The following MEGF10 variants were observed in gnomAD, a reference collection of about 807,000 sequenced individuals.
The protein encoded by MEGF10 is multiple epidermal growth factor-like domains protein 10.
A neutral mutation model predicts 147.5 loss-of-function variants in MEGF10; 86 were observed. That is an observed-to-expected ratio of 0.58 (90% CI 0.49 to 0.70). The LOEUF is 0.70. Among genes scored for constraint, MEGF10 ranks in the 30% least tolerant of loss-of-function variants. MEGF10 has a pLI of 0.00. For missense variants in MEGF10, 1,329 were observed against 1,487.3 expected, an observed-to-expected ratio of 0.89 and a Z score of 1.75; for synonymous variants, 478 against 525.5, an observed-to-expected ratio of 0.91 and a Z score of 1.24.
At chr5:127,304,291 C>T (rs1230107088) in intron 1 of MEGF10, among the ~76,000 whole-genome samples, 2 of 152,134 alleles carry the variant, frequency 1.3e-5, no homozygotes, top group Non-Finnish European at 2.9e-5. Flanking sequence ...AGCATCCTGG[C>T]CTGAGAGAGC....
chr5:127,271,814 A>C, the MEGF10 span, among the ~76,000 whole-genome samples: 10 of 152,214 alleles, frequency 6.6e-5, no homozygotes, highest in African/African-American at 2.4e-4. Context: ...ACTACGAATC[A>C]ATTAAATCTC....
chr5:127,234,715 A>G, the MEGF10 span, among the ~76,000 whole-genome samples: 1 of 152,176 alleles, frequency 6.6e-6, no homozygotes, highest in African/African-American at 2.4e-5. Flanking sequence ...AAAGCTCCCT[A>G]TAATGGCCAG....
the MEGF10 span, among the ~76,000 whole-genome samples, chr5:127,247,577 G>C: frequency 6.6e-6 from 1 of 151,940 alleles, no homozygotes; most frequent in African/African-American, 2.4e-5. Flanking sequence ...GGCCATAATG[G>C]AGTAACTGCT....
intron 1 of MEGF10, among the ~76,000 whole-genome samples, chr5:127,306,032 C>A (rs1172694170): frequency 6.6e-6 from 1 of 152,202 alleles, no homozygotes; most frequent in Non-Finnish European, 1.5e-5. Flanking sequence ...TCAGGTGTGG[C>A]AGGCATTAAC....
Position 127,396,760 on chromosome 5 carries a change from C to T in MEGF10, c.641C>T (p.Pro214Leu), listed in dbSNP as rs778240852. ...DHVTGECRCPPGYTGAFCEDL... is the reference protein window; with the variant it reads ...DHVTGECRCPLGYTGAFCEDL... ...GTCACGGGGGAATGCCGCTGCCCACCAGGATACACCGGAGCCTTGTAAGTC... is the reference window on the plus strand; with the variant it reads ...GTCACGGGGGAATGCCGCTGCCCACTAGGATACACCGGAGCCTTGTAAGTC... The change falls in exon 6 of 25, where the codon CCA becomes CTA. Residue 214 changes from proline (P) to leucine (L), a missense_variant. Physicochemically the swap from Pro to Leu is moderately conservative, Grantham distance 98. Transcript: ENST00000503335. 6.2e-7 allele frequency: 1 copy of T among 1,613,820 alleles called. No individual in the cohort carries two copies.
At chr5:127,436,838 T>C (rs766442724) in intron 16 of MEGF10, among the ~76,000 whole-genome samples, 9 of 152,340 alleles carry the variant, frequency 5.9e-5, no homozygotes, top group Admixed American at 3.3e-4. Context: ...ACCATCTTCA[T>C]ATTTCTTCTT....
chr5:127,280,712 A>T, the MEGF10 span, among the ~76,000 whole-genome samples: 4 of 152,146 alleles, frequency 2.6e-5, no homozygotes, highest in African/African-American at 4.8e-5. Flanking sequence ...GATTGCTGAC[A>T]GTGTTCTGTA....
chr5:127,375,523 GT>G (rs1561603599), intron 5 of MEGF10, among the ~76,000 whole-genome samples: 1 of 152,188 alleles, frequency 6.6e-6, no homozygotes, highest in Non-Finnish European at 1.5e-5. Context: ...TTAAATTATT[GT>G]TTTTAAAAAG....
intron 16 of MEGF10, among the ~76,000 whole-genome samples, chr5:127,437,135 G>A (rs1285709238): frequency 6.6e-6 from 1 of 152,176 alleles, no homozygotes; most frequent in Non-Finnish European, 1.5e-5. Flanking sequence ...ATCATCTAAG[G>A]AATAGGTTGT....
At chr5:127,454,329 G>C (rs1766272061) in intron 22 of MEGF10, among the ~76,000 whole-genome samples, 1 of 152,164 alleles carries the variant, frequency 6.6e-6, no homozygotes, top group South Asian at 2.1e-4. Flanking sequence ...TTTCTATCCT[G>C]TTTTGACTAG....
intron 6 of MEGF10, 115 bp from the exon 7 acceptor site, chr5:127,398,561 T>A: frequency 8.2e-7 from 1 of 1,213,084 alleles, no homozygotes; most frequent in East Asian, 2.4e-5. Flanking sequence ...ATTAATTAAA[T>A]GAACAATTAT....
At chr5:127,453,839 A>G (rs138755705) in intron 22 of MEGF10, among the ~76,000 whole-genome samples, 1 of 152,308 alleles carries the variant, frequency 6.6e-6, no homozygotes, top group East Asian at 1.9e-4. Context: ...TATATTTTAT[A>G]CAACATGCTT....
At chr5:127,446,183 C>CAA (rs1370824135) in intron 20 of MEGF10, among the ~76,000 whole-genome samples, 6 of 152,148 alleles carry the variant, frequency 3.9e-5, no homozygotes, top group Admixed American at 2.0e-4. Context: ...TAGCAAGAAC[C>CAA]AAGGCAGCCC....
chr5:127,241,317 G>A, the MEGF10 span, among the ~76,000 whole-genome samples: 2 of 152,178 alleles, frequency 1.3e-5, no homozygotes, highest in African/African-American at 4.8e-5. Flanking sequence ...TGACAGGGGT[G>A]TCTCTTCATC....
At chr5:127,275,303 G>A in the MEGF10 span, among the ~76,000 whole-genome samples, 1 of 152,218 alleles carries the variant, frequency 6.6e-6, no homozygotes, top group Non-Finnish European at 1.5e-5. Context: ...CAGTGCATCA[G>A]GTGCTTAAAT....
At chr5:127,391,100 GCGCACACACACACA>G (rs1221376136) in intron 5 of MEGF10, among the ~76,000 whole-genome samples, 16 of 40,118 alleles carry the variant, frequency 4.0e-4, no homozygotes, top group Admixed American at 1.3e-3. Context: ...GCGCGCGCGC[GCGCACACACACACA>G]CACACACACA....
At chr5:127,259,278 G>A in the MEGF10 span, among the ~76,000 whole-genome samples, 1 of 152,040 alleles carries the variant, frequency 6.6e-6, no homozygotes, top group East Asian at 1.9e-4. Flanking sequence ...ACACTTCTAG[G>A]GCTATGATCT....
In MEGF10 at chr5:127,459,098, A is replaced by G. The variant is rs1400020400; in HGVS notation, c.*1780A>G. 1 of 152,220 alleles carries G rather than the reference A, an allele frequency of 6.6e-6. No individual in the cohort carries two copies. Among genetic ancestry groups the G allele is most frequent in the Non-Finnish European group, 1.5e-5 (1 of 68,036 alleles). The allele number at this position is 152,220 out of a possible 1,614,324, so 9.4% of individuals were successfully genotyped here. On this transcript the variant is annotated 3_prime_UTR_variant, in exon 25 of 25. Transcript: ENST00000503335. Reference sequence around the variant, plus strand: ...TTAAAGACATGAAATCCTATATGGCATTCTGTCTCAGTGAGTCAGTTAACA... The same window carrying G: ...TTAAAGACATGAAATCCTATATGGCGTTCTGTCTCAGTGAGTCAGTTAACA...
intron 4 of MEGF10, among the ~76,000 whole-genome samples, chr5:127,362,332 T>G (rs1430974088): frequency 3.3e-5 from 1 of 30,248 alleles, no homozygotes; most frequent in African/African-American, 8.8e-5. Flanking sequence ...GTTAGTATGG[T>G]TTTTTTTTTT....
Sources: allele counts gnomAD v4.1 joint callset (sites outside exome capture counted in the v4.1 genomes callset), GRCh38; gene constraint gnomAD v4.1.1; transcripts MANE v1.5; gene names NCBI Gene and HGNC (gene_info 2026-07-23, HGNC 2026-07-21).